The following RBM39 variants were observed in gnomAD, a reference collection of about 807,000 sequenced individuals.
The protein encoded by RBM39 is RNA binding motif protein 39.
A neutral mutation model predicts 79.6 loss-of-function variants in RBM39; 12 were observed. That is an observed-to-expected ratio of 0.15 (90% confidence interval 0.10 to 0.24). The LOEUF is 0.24. Among genes scored for constraint, RBM39 ranks in the 10% least tolerant of loss-of-function variants. The pLI is 1.00. For synonymous variants in RBM39, 185 were observed against 208.4 expected (o/e 0.89, Z 0.97); for missense variants, 243 against 653.4 (o/e 0.37, Z 6.85).
chr20:35,713,895 T>C (rs1281269791), intron 11 of RBM39: 1 of 267,894 alleles, frequency 3.7e-6, no homozygotes, highest in Non-Finnish European at 7.1e-6. Context: ...AAGAAAAACT[T>C]GTAACATTAT....
chr20:35,737,848 CAAAAAAAAAAAA>C (rs35300439), intron 3 of RBM39, among the ~76,000 whole-genome samples: 5 of 40,428 alleles, frequency 1.2e-4, no homozygotes, highest in Non-Finnish European at 2.1e-4. Context: ...GACTCCGTGT[CAAAAAAAAAAAA>C]AAAAAAAAAA....
At chr20:35,740,268 A>G (rs1217813324) in intron 2 of RBM39, 1 of 189,436 alleles carries the variant, frequency 5.3e-6, no homozygotes, top group African/African-American at 2.4e-5. Context: ...GCAGATTGCC[A>G]CTGGACTGTT....
intron 9 of RBM39, among the ~76,000 whole-genome samples, chr20:35,721,273 A>G (rs2037904858): frequency 6.6e-6 from 1 of 152,192 alleles, no homozygotes; most frequent in Non-Finnish European, 1.5e-5. Flanking sequence ...TTTCTTTTAA[A>G]AACAATCTTT....
intron 9 of RBM39, 105 bp downstream of exon 9, chr20:35,721,632 CTCT>C (rs2037953832): frequency 7.7e-7 from 1 of 1,292,266 alleles, no homozygotes; most frequent in Non-Finnish European, 1.1e-6. Context: ...AGCCCTTATC[CTCT>C]TAATATTAAC....
chr20:35,725,774 C>T (rs998175725), intron 6 of RBM39, among the ~76,000 whole-genome samples: 1 of 151,528 alleles, frequency 6.6e-6, no homozygotes, highest in African/African-American at 2.4e-5. Context: ...AGCAATTCTG[C>T]TGCCTCAGCC....
intron 3 of RBM39, among the ~76,000 whole-genome samples, chr20:35,733,690 T>TTCC (rs2039619830): frequency 2.0e-5 from 3 of 152,228 alleles, no homozygotes; most frequent in African/African-American, 7.2e-5. Flanking sequence ...TTTCAAATAC[T>TTCC]TCCTAAAGTT....
chr20:35,732,889 A>C (rs1021873738), intron 3 of RBM39: 6 of 152,270 alleles, frequency 3.9e-5, no homozygotes, highest in African/African-American at 1.2e-4. Flanking sequence ...AAATATAGTA[A>C]TTTACCATTA....
At chr20:35,707,455 T>C in intron 13 of RBM39, 1 of 280,960 alleles carries the variant, frequency 3.6e-6, no homozygotes, top group Non-Finnish European at 6.7e-6. Context: ...AATTAAACTT[T>C]ATGTGTTATC....
In RBM39 at chr20:35,738,135, G is replaced by A. The variant is rs184422131; in HGVS notation, c.101+833C>T. 5.2e-3 allele frequency among the ~76,000 whole-genome samples: 781 copies of A among 150,358 alleles called. 7 individuals carry two copies. The highest frequency in any genetic ancestry group is 8.8e-3 in the Admixed American group (133 of 15,112). ...AGAACCACTGCACCCCAGCCTGGGC[G>A]ACACTGCCAGACTCCATGTCAAAGA... On this transcript the variant is annotated intron_variant, in intron 3 of 16. Transcript: ENST00000253363.
At chr20:35,706,802 C>T (rs1282224839) in intron 14 of RBM39, among the ~76,000 whole-genome samples, 2 of 151,828 alleles carry the variant, frequency 1.3e-5, no homozygotes, top group African/African-American at 4.8e-5. Context: ...CTAAGGTGGG[C>T]GGATCACCTC....
At chr20:35,741,790 A>G (rs2040570304) in intron 1 of RBM39, among the ~76,000 whole-genome samples, 151 bp downstream of exon 1, 1 of 151,992 alleles carries the variant, frequency 6.6e-6, no homozygotes, top group African/African-American at 2.4e-5. Context: ...CCCGACTGGA[A>G]AATAAGGGCG....
In RBM39 at chr20:35,713,084, T is replaced by C. The variant is rs112575929; in HGVS notation, c.1109A>G (p.Gln370Arg). 6.2e-7 allele frequency: 1 copy of C among 1,613,642 alleles called. No homozygotes were observed. The highest frequency in any genetic ancestry group is 8.5e-7 in the Non-Finnish European group (1 of 1,179,686). Residue 370 changes from glutamine (Q) to arginine (R), a missense_variant, in exon 12 of 17, where the codon CAG becomes CGG. Physicochemically the swap from Gln to Arg is conservative, Grantham distance 43 (BLOSUM62 1). Coordinates refer to ENST00000253363, the MANE Select transcript of RBM39 (RefSeq NM_184234.3). The stretch of plus-strand genomic sequence containing the variant: ...AGCTTGCTGTGCTGCTGGCGGAATC[T>C]GCAAACCTGTACCTGTAAAAGAATA... ...MARLAEGTGL[Q>R]IPPAAQQALQ...
chr20:35,736,914 G>A (rs2039984003), intron 3 of RBM39, among the ~76,000 whole-genome samples: 1 of 150,606 alleles, frequency 6.6e-6, no homozygotes, highest in Non-Finnish European at 1.5e-5. Flanking sequence ...GCCTCCCAAA[G>A]TGCTGGGATT....
intron 12 of RBM39, among the ~76,000 whole-genome samples, chr20:35,712,435 CAA>C (rs765974114): frequency 0.019 from 615 of 32,792 alleles, 5 homozygotes; most frequent in African/African-American, 0.051. Context: ...TACTGTTATC[CAA>C]AAAAAAAAAA....
chr20:35,730,510 C>A (rs1182193877), intron 4 of RBM39, among the ~76,000 whole-genome samples: 3 of 152,142 alleles, frequency 2.0e-5, no homozygotes, highest in East Asian at 1.9e-4. Flanking sequence ...GACTGAGAAT[C>A]ATTTACTGGA....
In RBM39 at chr20:35,728,061, A is replaced by G. The variant is rs578105718; in HGVS notation, c.416+1251T>C. Among the ~76,000 whole-genome samples, 5 of 152,266 alleles carry G rather than the reference A, an allele frequency of 3.3e-5. 1 individual carries two copies. Among genetic ancestry groups the G allele is most frequent in the Admixed American group, 3.3e-4 (5 of 15,288 alleles). ...CTCAGTCTCCCAAAGTGCTGGGATTACCCGCGTGAGCCACCGGGCCTGGCC... is the reference window on the plus strand; with the variant it reads ...CTCAGTCTCCCAAAGTGCTGGGATTGCCCGCGTGAGCCACCGGGCCTGGCC... On this transcript the variant is annotated intron_variant, in intron 6 of 16. Coordinates refer to ENST00000253363, the MANE Select transcript of RBM39 (RefSeq NM_184234.3).
chr20:35,715,782 G>A (rs2037039385), intron 10 of RBM39, among the ~76,000 whole-genome samples: 1 of 152,132 alleles, frequency 6.6e-6, no homozygotes, highest in South Asian at 2.1e-4. Context: ...TTGGCAAGAG[G>A]TATGACAAGG....
rs979419657 is a variant in RBM39 at position 35,702,396 on chromosome 20, A to G, written c.*2085T>C. 1.3e-5 allele frequency: 2 copies of G among 152,198 alleles called. No individual in the cohort carries two copies. The highest frequency in any genetic ancestry group is 4.8e-5 in the African/African-American group (2 of 41,426). The allele number at this position is 152,198 out of a possible 1,614,324, so 9.4% of individuals were successfully genotyped here. ...ATTCAAGTTACTACACTCCAACCAC[A>G]TTTCCTCTGAACATTATTTACACAC... On this transcript the variant is annotated 3_prime_UTR_variant, in exon 17 of 17. Coordinates refer to ENST00000253363, the MANE Select transcript of RBM39 (RefSeq NM_184234.3).
At chr20:35,734,314 T>C (rs2039685975) in intron 3 of RBM39, 1 of 1,011,538 alleles carries the variant, frequency 9.9e-7, no homozygotes, top group Admixed American at 2.4e-5. Context: ...AGGTAGCACA[T>C]GACAGAAAAT....
Sources: gnomAD v4.1 joint callset for allele counts (sites outside exome capture counted in the v4.1 genomes callset) on GRCh38, gnomAD v4.1.1 for gene constraint, MANE v1.5 for transcripts, NCBI Gene and HGNC (gene_info 2026-07-23, HGNC 2026-07-21) for gene names.